Variants in NSMCE2 observed in about 807,000 individuals in gnomAD.
NSMCE2 encodes NSE2 SUMO ligase component of SMC5/6 complex.
Under a neutral mutation model 23.8 loss-of-function variants are expected in NSMCE2, and 24 were observed. The ratio of observed to expected loss-of-function variants is 1.01; its 90% CI spans 0.73 to 1.42. The LOEUF (loss-of-function observed/expected upper bound fraction) is 1.42, where lower values mean the gene tolerates loss of function less well. Ranked by LOEUF, NSMCE2 falls within the 40% of genes most tolerant of loss-of-function variation. The pLI is 0.00. For missense variants in NSMCE2, 284 were observed against 296.5 expected (o/e 0.96, Z 0.31); for synonymous variants, 92 against 94.1 (o/e 0.98, Z 0.13).
chr8:125,258,316 G>A (rs147548810), intron 5 of NSMCE2, among the ~76,000 whole-genome samples: 1 of 152,276 alleles, frequency 6.6e-6, no homozygotes, highest in East Asian at 1.9e-4. Context: ...TGGAAACAAG[G>A]GCTAGCTCAC....
intron 5 of NSMCE2, among the ~76,000 whole-genome samples, chr8:125,295,895 A>G (rs539836377): frequency 2.6e-5 from 4 of 152,334 alleles, no homozygotes; most frequent in East Asian, 3.9e-4. Context: ...TCATGACCCA[A>G]TAATAACCGT....
chr8:125,341,080 AT>A lies in NSMCE2; in HGVS notation c.419-16130del, dbSNP rs542391711. On this transcript the variant is annotated intron_variant, in intron 5 of 7. Transcript: ENST00000287437. ...TCACTTTAACCAGTCACCTCTCCAT[AT>A]TTTTTTTTCTTTTGTCTTAAGGGAA... 1.9e-3 allele frequency among the ~76,000 whole-genome samples: 294 copies of A among 151,034 alleles called. 1 individual carries two copies. Among genetic ancestry groups the A allele is most frequent in the African/African-American group, 6.5e-3 (268 of 41,132 alleles).
At chr8:125,258,394 A>G (rs1298087494) in intron 5 of NSMCE2, among the ~76,000 whole-genome samples, 1 of 152,190 alleles carries the variant, frequency 6.6e-6, no homozygotes, top group African/African-American at 2.4e-5. Context: ...GTCTTATACT[A>G]GTAATCTGCA....
At chr8:125,272,091 G>T (rs1290020623) in intron 5 of NSMCE2, among the ~76,000 whole-genome samples, 1 of 143,410 alleles carries the variant, frequency 7.0e-6, no homozygotes, top group Non-Finnish European at 1.5e-5. Flanking sequence ...TCAGCTCACT[G>T]CAAGCTCCGC....
chr8:125,123,932 T>C (rs1007790539), intron 3 of NSMCE2, among the ~76,000 whole-genome samples: 1 of 152,236 alleles, frequency 6.6e-6, no homozygotes, highest in African/African-American at 2.4e-5. Flanking sequence ...ATTTAAAATG[T>C]ACAATTTTGT....
chr8:125,116,572 G>A (rs994517752), intron 3 of NSMCE2, among the ~76,000 whole-genome samples: 4 of 152,034 alleles, frequency 2.6e-5, no homozygotes, highest in East Asian at 3.9e-4. Context: ...CTGTGTGTGC[G>A]TGTGTGTGTG....
intron 5 of NSMCE2, among the ~76,000 whole-genome samples, chr8:125,308,665 G>A (rs1373238080): frequency 6.6e-6 from 1 of 152,140 alleles, no homozygotes; most frequent in Non-Finnish European, 1.5e-5. Context: ...CGATACAAAG[G>A]TGATACACAC....
chr8:125,231,657 T>G (rs1179165348), intron 5 of NSMCE2, among the ~76,000 whole-genome samples: 1 of 152,222 alleles, frequency 6.6e-6, no homozygotes, highest in Non-Finnish European at 1.5e-5. Flanking sequence ...GGAAGAATAC[T>G]GTTTCATGAA....
intron 7 of NSMCE2, among the ~76,000 whole-genome samples, chr8:125,362,364 G>A (rs771144724): frequency 1.1e-4 from 17 of 152,156 alleles, no homozygotes; most frequent in Non-Finnish European, 2.2e-4. Flanking sequence ...CATCAACCTC[G>A]CCTCCAGGAA....
At chr8:125,202,586 C>T (rs527840076) in intron 5 of NSMCE2, among the ~76,000 whole-genome samples, 2 of 152,268 alleles carry the variant, frequency 1.3e-5, no homozygotes, top group East Asian at 3.9e-4. Flanking sequence ...AACTAGCCCA[C>T]AGAGTTGTTT....
At position 125,366,907 on chromosome 8, in the gene NSMCE2, G is replaced by C; in HGVS notation, c.*22G>C. On this transcript the variant is annotated 3_prime_UTR_variant, in exon 8 of 8. Coordinates refer to ENST00000287437, the MANE Select transcript of NSMCE2 (RefSeq NM_173685.4). ...GTAGGAAAAGCCACCTGCCTGCAGG[G>C]ACACCAGCAGCCTACCTCCTACCCC... 1 of 1,351,630 alleles carries C rather than the reference G, an allele frequency of 7.4e-7. No homozygotes were observed. The highest frequency in any genetic ancestry group is 1.1e-6 in the Non-Finnish European group (1 of 940,696). 83.7% of individuals were successfully genotyped at this position (1,351,630 alleles called of 1,614,324 possible).
At chr8:125,269,471 A>C (rs1827086295) in intron 5 of NSMCE2, among the ~76,000 whole-genome samples, 1 of 152,176 alleles carries the variant, frequency 6.6e-6, no homozygotes, top group Non-Finnish European at 1.5e-5. Flanking sequence ...CTATGGAGCA[A>C]AACCATGCCA....
chr8:125,100,852 C>T (rs1029095097), intron 1 of NSMCE2, among the ~76,000 whole-genome samples: 1 of 152,170 alleles, frequency 6.6e-6, no homozygotes, highest in Non-Finnish European at 1.5e-5. Context: ...TGAGCCATTG[C>T]GCCTGGCCAA....
chr8:125,242,548 A>G (rs554385512), intron 5 of NSMCE2, among the ~76,000 whole-genome samples: 39 of 152,082 alleles, frequency 2.6e-4, no homozygotes, highest in Non-Finnish European at 5.3e-4. Flanking sequence ...TGGTTCCAGC[A>G]AGAACTGTTA....
chr8:125,129,197 C>T (rs186651517), intron 3 of NSMCE2, among the ~76,000 whole-genome samples: 3 of 152,060 alleles, frequency 2.0e-5, no homozygotes, highest in Non-Finnish European at 2.9e-5. Flanking sequence ...GACAAGAAGG[C>T]CCGGGCCAGT....
intron 5 of NSMCE2, among the ~76,000 whole-genome samples, chr8:125,240,733 G>A (rs996332857): frequency 1.3e-5 from 2 of 151,168 alleles, no homozygotes; most frequent in Admixed American, 6.6e-5. Context: ...TTGTTAGTTT[G>A]TAATGCACTT....
chr8:125,276,741 C>T (rs931769190), intron 5 of NSMCE2, among the ~76,000 whole-genome samples: 1 of 152,058 alleles, frequency 6.6e-6, no homozygotes, highest in Admixed American at 6.6e-5. Flanking sequence ...TCCTAATAAC[C>T]CAATGAAGTT....
intron 5 of NSMCE2, among the ~76,000 whole-genome samples, chr8:125,263,565 C>T (rs1428552022): frequency 1.3e-5 from 2 of 152,100 alleles, no homozygotes; most frequent in Non-Finnish European, 2.9e-5. Context: ...GCGTTGCCAA[C>T]ATGGTGAAAC....
At chr8:125,300,621 C>T (rs745680372) in intron 5 of NSMCE2, among the ~76,000 whole-genome samples, 40 of 152,096 alleles carry the variant, frequency 2.6e-4, no homozygotes, top group African/African-American at 8.5e-4. Flanking sequence ...TACAAAGATG[C>T]GAAGAACATC....
Sources: gnomAD v4.1 joint callset for allele counts (sites outside exome capture counted in the v4.1 genomes callset) on GRCh38, gnomAD v4.1.1 for gene constraint, MANE v1.5 for transcripts, NCBI Gene and HGNC (gene_info 2026-07-23, HGNC 2026-07-21) for gene names.